SLIT1: variants seen among roughly 807,000 people sequenced by gnomAD.
SLIT1 encodes the protein slit homolog 1 protein.
SLIT1 carries 66 observed loss-of-function variants against 186.1 expected under a neutral mutation model. The ratio of observed to expected loss-of-function variants is 0.35; its 90% confidence interval spans 0.29 to 0.44. The LOEUF is 0.44. Ranked by LOEUF, SLIT1 falls within the 20% of genes least tolerant of loss-of-function variation. The probability of loss-of-function intolerance (pLI) is 1.00; values close to 1 mark genes in which losing one functional copy is unlikely to be tolerated. For missense variants in SLIT1, 1,638 were observed against 2,037.4 expected (o/e 0.80, Z 3.77); for synonymous variants, 761 against 833.8 (o/e 0.91, Z 1.50).
intron 4 of SLIT1, among the ~76,000 whole-genome samples, chr10:97,105,975 C>T (rs1003414535): frequency 2.0e-5 from 3 of 152,214 alleles, no homozygotes; most frequent in South Asian, 2.1e-4. Flanking sequence ...AAGAAGGTCC[C>T]GCAGATGGTA....
At position 97,019,234 on chromosome 10, in the gene SLIT1, G is replaced by A. The variant is rs143634026; in HGVS notation, c.2747-127C>T. The A allele has an allele frequency of 1.4e-3, 877 of 646,894 alleles. 5 individuals are homozygous for A. In the African/African-American group the frequency reaches 0.014, roughly 11 times the overall value. 40.1% of individuals were successfully genotyped at this position (646,894 alleles called of 1,614,324 possible). ...TCCCCTCCTGATTTTTCCCCAGATC[G>A]TGCTCACACTCCCCTTGCACTGCCC... On this transcript the variant is annotated intron_variant, in intron 26 of 36. Transcript: ENST00000266058.
Position 97,064,174 on chromosome 10 carries a change from C to G in SLIT1, c.623G>C (p.Arg208Pro). Residue 208 changes from arginine to proline, a missense_variant, in exon 7 of 37, where the codon CGG (arginine) becomes CCG (proline). By Grantham distance (103) the Arg-to-Pro change is moderately radical. Around this residue, in one of 3 missense-constraint regions of SLIT1, gnomAD observed 1,245 missense variants for 1,535.3 expected, o/e 0.81. Transcript: ENST00000266058. Reference sequence around the variant, plus strand: ...GCTGCCCCGGCTGACTCACAAGGTCCGTAGCTTGGGCATATGGTTGAAGCT... The same window carrying G: ...GCTGCCCCGGCTGACTCACAAGGTCGGTAGCTTGGGCATATGGTTGAAGCT... ...VSSFNHMPKL[R>P]TFRLHSNHLF... 2 of 1,612,908 alleles carry G rather than the reference C, an allele frequency of 1.2e-6. No individual in the cohort carries two copies. Among genetic ancestry groups the G allele is most frequent in the Non-Finnish European group, 1.7e-6 (2 of 1,179,542 alleles).
At chr10:97,165,396 C>T (rs982509796) in intron 1 of SLIT1, among the ~76,000 whole-genome samples, 6 of 152,068 alleles carry the variant, frequency 3.9e-5, no homozygotes, top group Admixed American at 2.0e-4. Context: ...CTGGCTCCTG[C>T]GAGTGCCGTA....
At chr10:97,145,384 G>A (rs1203961630) in intron 4 of SLIT1, among the ~76,000 whole-genome samples, 1 of 152,150 alleles carries the variant, frequency 6.6e-6, no homozygotes, top group African/African-American at 2.4e-5. Context: ...CCAAAGTGCT[G>A]GGATTACAGG....
intron 11 of SLIT1, among the ~76,000 whole-genome samples, chr10:97,058,677 A>T (rs563763632): frequency 6.6e-6 from 1 of 152,304 alleles, no homozygotes; most frequent in South Asian, 2.1e-4. Flanking sequence ...GGGGAGTTCT[A>T]TTCCGTTGTA....
chr10:97,181,897 T>C (rs1042293068), intron 1 of SLIT1, among the ~76,000 whole-genome samples: 6 of 152,106 alleles, frequency 3.9e-5, no homozygotes, highest in Non-Finnish European at 8.8e-5. Flanking sequence ...CACTCTCCTG[T>C]CACACTCTCC....
intron 1 of SLIT1, among the ~76,000 whole-genome samples, chr10:97,170,366 G>A (rs181850128): frequency 1.3e-5 from 2 of 152,326 alleles, no homozygotes; most frequent in South Asian, 2.1e-4. Context: ...AATAATGCCC[G>A]GCACACAATT....
At chr10:97,181,789 C>T (rs907004388) in intron 1 of SLIT1, among the ~76,000 whole-genome samples, 1 of 152,196 alleles carries the variant, frequency 6.6e-6, no homozygotes, top group Non-Finnish European at 1.5e-5. Context: ...CCTCCATCCT[C>T]GGACAACTTA....
At chr10:97,179,611 G>A (rs752005996) in intron 1 of SLIT1, among the ~76,000 whole-genome samples, 27 of 152,274 alleles carry the variant, frequency 1.8e-4, no homozygotes, top group Non-Finnish European at 2.8e-4. Flanking sequence ...TGTGCTCCTC[G>A]TCTCTATGGA....
intron 4 of SLIT1, among the ~76,000 whole-genome samples, chr10:97,117,623 A>G (rs1233267050): frequency 1.3e-5 from 2 of 152,226 alleles, no homozygotes; most frequent in Non-Finnish European, 2.9e-5. Flanking sequence ...TTGAGAGTAT[A>G]TAAATAATCT....
chr10:97,078,583 CAGCAGCTCAGAGGCTAGAGTCCCACT>C (rs1849070459), intron 4 of SLIT1, among the ~76,000 whole-genome samples: 1 of 152,228 alleles, frequency 6.6e-6, no homozygotes, highest in African/African-American at 2.4e-5. Flanking sequence ...TGCCAAGGAA[CAGCAGCTCAGAGGCTAGAGTCCCACT>C]AAGCAGTGAG....
intron 2 of SLIT1, among the ~76,000 whole-genome samples, chr10:97,164,237 G>A (rs1279890131): frequency 6.6e-6 from 1 of 152,266 alleles, no homozygotes; most frequent in Admixed American, 6.5e-5. Context: ...CAAGCAGGTG[G>A]CTTTCGTGCC....
chr10:97,091,331 C>A (rs1849229696), intron 4 of SLIT1, among the ~76,000 whole-genome samples: 1 of 152,214 alleles, frequency 6.6e-6, no homozygotes, highest in Admixed American at 6.5e-5. Flanking sequence ...GGGGACTCAC[C>A]TTTGTCTCAC....
At chr10:97,040,305 CT>C (rs1223042744) in intron 20 of SLIT1, among the ~76,000 whole-genome samples, 185 bp from the exon 21 acceptor site, 1 of 152,218 alleles carries the variant, frequency 6.6e-6, no homozygotes, top group Non-Finnish European at 1.5e-5. Flanking sequence ...ATGAAGCCCC[CT>C]GGAGCAGTTT....
chr10:97,033,706 T>C (rs1848611502), intron 23 of SLIT1, among the ~76,000 whole-genome samples: 1 of 151,968 alleles, frequency 6.6e-6, no homozygotes, highest in Non-Finnish European at 1.5e-5. Context: ...ATCGACAAAA[T>C]TAGACTATAT....
At chr10:97,027,443 A>G (rs1386731704) in intron 25 of SLIT1, among the ~76,000 whole-genome samples, 2 of 152,138 alleles carry the variant, frequency 1.3e-5, no homozygotes, top group African/African-American at 4.8e-5. Context: ...TCCATCTTAA[A>G]CCCTGGGTAT....
Position 97,060,632 on chromosome 10 carries a change from G to T in SLIT1, c.941+8C>A. The T allele has an allele frequency of 6.2e-7, 1 of 1,612,468 alleles. No individual in the cohort carries two copies. On this transcript the variant is annotated splice_region_variant and intron_variant, in intron 9 of 36. Coordinates refer to ENST00000266058, the MANE Select transcript of SLIT1 (RefSeq NM_003061.3). ...TGTGCCCCAGCATCTGCCCTGCCCC[G>T]TACTCACATCTCCGTCATGGTCTCG...
rs1420759120 is a variant in SLIT1 at position 97,046,622 on chromosome 10, GC to G, written c.1853+31del. On this transcript the variant is annotated intron_variant, in intron 18 of 36. Coordinates refer to ENST00000266058, the MANE Select transcript of SLIT1 (RefSeq NM_003061.3). ...TGGCTTTGCCTGCCTCCTGCAGCTG[GC>G]CCACCCTGCTCCCCAGCCCTGCACA... 3 of 1,569,442 alleles carry G rather than the reference GC, an allele frequency of 1.9e-6. No homozygotes were observed. The African/African-American group carries it at 4.1e-5, about 21-fold the overall frequency.
intron 4 of SLIT1, among the ~76,000 whole-genome samples, chr10:97,122,961 T>C (rs1849572839): frequency 6.6e-6 from 1 of 152,162 alleles, no homozygotes; most frequent in Non-Finnish European, 1.5e-5. Flanking sequence ...CCTCAACTTG[T>C]CCTCATCAAC....
Sources: allele counts gnomAD v4.1 joint callset (sites outside exome capture counted in the v4.1 genomes callset), GRCh38; gene constraint gnomAD v4.1.1; regional missense constraint gnomAD v4.1.1; transcripts MANE v1.5; gene names NCBI Gene and HGNC (gene_info 2026-07-23, HGNC 2026-07-21).